Variants in MICU1 observed in about 807,000 individuals in gnomAD.
MICU1 encodes the protein mitochondrial calcium uptake 1.
MICU1 carries 45 observed loss-of-function variants against 56.8 expected under a neutral mutation model. The ratio of observed to expected loss-of-function variants is 0.79; its 90% CI spans 0.62 to 1.02. MICU1 has a LOEUF of 1.02. MICU1 is among the 50% of genes least tolerant of loss of function. The pLI is 0.00. For synonymous variants in MICU1, 186 were observed against 195.1 expected, an observed-to-expected ratio of 0.95 and a Z score of 0.39; for missense variants, 504 against 587.1, an observed-to-expected ratio of 0.86 and a Z score of 1.46.
At chr10:72,569,237 A>ATATATATATATATATATTTTTTTTTTTT in intron 1 of MICU1, among the ~76,000 whole-genome samples, 1 of 34,392 alleles carries the variant, frequency 2.9e-5, no homozygotes, top group African/African-American at 1.1e-4. Context: ...ATATATATAT[A>ATATATATATATATATATTTTTTTTTTTT]TTTTTTTTTT....
intron 10 of MICU1, among the ~76,000 whole-genome samples, chr10:72,397,175 C>A (rs1452541766): frequency 6.6e-6 from 1 of 152,130 alleles, no homozygotes; most frequent in Non-Finnish European, 1.5e-5. Context: ...TCATATCCAG[C>A]CAAACTAAGC....
At chr10:72,450,927 G>A (rs1865276912) in intron 8 of MICU1, among the ~76,000 whole-genome samples, 2 of 151,744 alleles carry the variant, frequency 1.3e-5, no homozygotes, top group Non-Finnish European at 2.9e-5. Context: ...TGTTGGCCAG[G>A]CTGGTCTTGA....
At chr10:72,487,210 C>T (rs556927608) in intron 6 of MICU1, among the ~76,000 whole-genome samples, 1 of 152,098 alleles carries the variant, frequency 6.6e-6, no homozygotes, top group African/African-American at 2.4e-5. Flanking sequence ...CTTGTTGGTG[C>T]CCTGACTGAA....
chr10:72,368,201 T>C lies in MICU1; in HGVS notation c.1425A>G (p.Lys475=), dbSNP rs571762988. 4.3e-6 allele frequency: 7 copies of C among 1,612,172 alleles called. No individual in the cohort carries two copies. The African/African-American group carries it at 9.3e-5, about 22-fold the overall frequency. ...CCCCTCTTGCAGTGTGGGGTTACTG[T>C]TTGGGTAAAGCGAAGTCCCAGGCAG... ...QETAWDFALP[K]Q Residue 475 remains lysine, a synonymous_variant, in exon 12 of 12, where the codon AAA becomes AAG. Transcript: ENST00000361114.
intron 1 of MICU1, among the ~76,000 whole-genome samples, chr10:72,600,648 C>CA (rs71021514): frequency 0.62 from 65,606 of 105,396 alleles, 19,354 homozygotes; most frequent in Non-Finnish European, 0.68. Flanking sequence ...GACTCCGTCT[C>CA]AAAAAAAAAA....
chr10:72,535,075 G>T lies in MICU1; in HGVS notation c.494-1286C>A, dbSNP rs112026898. ...AACAGAGTCTTGCTCTGTCACCCAA[G>T]CTGGAGTGCAGTGGCATGATCTTGG... is the stretch of plus-strand genomic sequence containing the variant. On this transcript the variant is annotated intron_variant, in intron 4 of 11. Coordinates refer to ENST00000361114, the MANE Select transcript of MICU1 (RefSeq NM_001195518.2). 4.0e-4 allele frequency among the ~76,000 whole-genome samples: 31 copies of T among 77,828 alleles called. 1 individual carries two copies. Among genetic ancestry groups the T allele is most frequent in the Non-Finnish European group, 3.2e-5 (1 of 31,056 alleles). The allele number at this position is 77,828 out of a possible 152,430, so 51.1% of individuals were successfully genotyped here. A position where few individuals can be genotyped will look rare whatever the true frequency, so the allele number is the denominator to read the frequency against.
At chr10:72,427,975 G>A (rs979870442) in intron 8 of MICU1, among the ~76,000 whole-genome samples, 11 of 151,954 alleles carry the variant, frequency 7.2e-5, no homozygotes, top group South Asian at 2.1e-4. Context: ...GAAAGTTCTC[G>A]ACTGTAAACC....
At chr10:72,457,878 G>T (rs1865521330) in intron 8 of MICU1, among the ~76,000 whole-genome samples, 1 of 152,092 alleles carries the variant, frequency 6.6e-6, no homozygotes, top group South Asian at 2.1e-4. Flanking sequence ...TCCATGAAAA[G>T]TATTTCTAGG....
At chr10:72,610,775 T>G (rs929022611) in intron 1 of MICU1, among the ~76,000 whole-genome samples, 2 of 152,138 alleles carry the variant, frequency 1.3e-5, no homozygotes, top group African/African-American at 2.4e-5. Flanking sequence ...GGATGTAGCT[T>G]ACAAAAGGCA....
intron 6 of MICU1, among the ~76,000 whole-genome samples, chr10:72,485,915 A>C (rs1030719307): frequency 6.6e-5 from 10 of 151,456 alleles, no homozygotes; most frequent in South Asian, 2.1e-4. Context: ...ACACACACAC[A>C]CCCCCTATGT....
intron 10 of MICU1, among the ~76,000 whole-genome samples, chr10:72,404,992 C>T (rs1353747556): frequency 6.6e-6 from 1 of 152,134 alleles, no homozygotes; most frequent in African/African-American, 2.4e-5. Flanking sequence ...CTGCAACATC[C>T]ATCTCCCGGG....
At chr10:72,480,779 T>C (rs3998175) in intron 6 of MICU1, among the ~76,000 whole-genome samples, 87,475 of 152,124 alleles carry the variant, frequency 0.58, 26,022 homozygotes, top group Non-Finnish European at 0.67. Context: ...CAGGATCTTG[T>C]AGTCTTACTG....
chr10:72,418,774 T>C (rs530465342), intron 9 of MICU1, among the ~76,000 whole-genome samples: 2 of 152,338 alleles, frequency 1.3e-5, no homozygotes, highest in South Asian at 4.1e-4. Context: ...AGAAAGCAGA[T>C]GGTGATTCCC....
chr10:72,479,530 A>G (rs1866225180), intron 6 of MICU1, among the ~76,000 whole-genome samples: 1 of 152,128 alleles, frequency 6.6e-6, no homozygotes, highest in Non-Finnish European at 1.5e-5. Context: ...TAGGTTTGTC[A>G]TGTGTTTTTG....
intron 1 of MICU1, among the ~76,000 whole-genome samples, chr10:72,584,891 G>GA (rs1268736307): frequency 6.6e-6 from 1 of 151,846 alleles, no homozygotes; most frequent in East Asian, 1.9e-4. Flanking sequence ...ACTACAGGAT[G>GA]AAAAAATGAG....
In MICU1 at chr10:72,367,532, G is replaced by A. The variant is rs1862187554; in HGVS notation, c.*663C>T. 6.6e-6 allele frequency: 1 copy of A among 152,396 alleles called. No homozygotes were observed. Among genetic ancestry groups the A allele is most frequent in the Non-Finnish European group, 1.5e-5 (1 of 68,118 alleles). 9.4% of individuals were successfully genotyped at this position (152,396 alleles called of 1,614,324 possible). On this transcript the variant is annotated 3_prime_UTR_variant, in exon 12 of 12. Transcript: ENST00000361114. ...ACAGGGTCACACTGGAGTCATCTTA[G>A]GGAGGCTGCGAGGAAGAAAAGGGAG...
intron 1 of MICU1, 37 bp from the exon 2 acceptor site, chr10:72,566,831 T>C (rs1840452259): frequency 6.5e-7 from 1 of 1,549,582 alleles, no homozygotes; most frequent in East Asian, 2.3e-5. Context: ...TCTTAGCTAG[T>C]GGTAGTTATG....
chr10:72,614,214 A>G (rs544083125), intron 1 of MICU1, among the ~76,000 whole-genome samples: 1 of 148,636 alleles, frequency 6.7e-6, no homozygotes, highest in Non-Finnish European at 1.5e-5. Flanking sequence ...CTTAAATTTT[A>G]AAAAAAAAAC....
intron 3 of MICU1, among the ~76,000 whole-genome samples, chr10:72,552,982 C>T (rs1840071624): frequency 6.6e-6 from 1 of 152,216 alleles, no homozygotes; most frequent in African/African-American, 2.4e-5. Flanking sequence ...ACCACATGTG[C>T]TTTTAGCAAC....
Sources: allele counts gnomAD v4.1 joint callset (sites outside exome capture counted in the v4.1 genomes callset), GRCh38; gene constraint gnomAD v4.1.1; transcripts MANE v1.5; gene names NCBI Gene and HGNC (gene_info 2026-07-23, HGNC 2026-07-21).